Variants in RANBP2 observed in about 807,000 individuals in gnomAD.
RANBP2 encodes E3 SUMO-protein ligase RanBP2.
In RANBP2, 57 loss-of-function variants were observed where a neutral mutation model predicts 303.6. That is an observed-to-expected ratio of 0.19 (90% confidence interval 0.15 to 0.23). The LOEUF is 0.23. Among genes scored for constraint, RANBP2 ranks in the 10% least tolerant of loss-of-function variants. The pLI, the probability that RANBP2 is intolerant of heterozygous loss-of-function variation, is 1.00. For synonymous variants in RANBP2, 1,167 were observed against 1,301.5 expected, an observed-to-expected ratio of 0.90 and a Z score of 2.23; for missense variants, 3,138 against 3,780.8, an observed-to-expected ratio of 0.83 and a Z score of 4.46.
the RANBP2 span, among the ~76,000 whole-genome samples, chr2:109,575,984 C>T: frequency 2.6e-5 from 4 of 152,284 alleles, no homozygotes; most frequent in African/African-American, 9.6e-5. Flanking sequence ...AGGCCAGGCT[C>T]AGTGGCTCAC....
chr2:109,131,486 T>G, the RANBP2 span, among the ~76,000 whole-genome samples: 5 of 152,224 alleles, frequency 3.3e-5, no homozygotes, highest in African/African-American at 1.2e-4. Flanking sequence ...CTTCTTCTGT[T>G]CTGATAAATT....
In RANBP2 at chr2:108,782,995, A is replaced by G. The variant is rs1678361176; in HGVS notation, c.9369+133A>G. The G allele has an allele frequency of 7.8e-6, 6 of 769,004 alleles. No individual in the cohort carries two copies. The Admixed American group carries it at 1.1e-4, about 15-fold the overall frequency. 47.6% of individuals were successfully genotyped at this position (769,004 alleles called of 1,614,324 possible). A position where few individuals can be genotyped will look rare whatever the true frequency, so the allele number is the denominator to read the frequency against. On this transcript the variant is annotated intron_variant, in intron 28 of 28. Coordinates refer to ENST00000283195, the MANE Select transcript of RANBP2 (RefSeq NM_006267.5). ...TTTCTTTAGGTTTTCCACACATGGAATCACATGGCATCACTACCCATTCCC... is the reference window on the plus strand; with the variant it reads ...TTTCTTTAGGTTTTCCACACATGGAGTCACATGGCATCACTACCCATTCCC...
At chr2:109,496,536 G>A in the RANBP2 span, among the ~76,000 whole-genome samples, 1 of 152,208 alleles carries the variant, frequency 6.6e-6, no homozygotes, top group Non-Finnish European at 1.5e-5. Flanking sequence ...GTAAGTCAGT[G>A]AGGGTGAGGG....
At chr2:109,247,753 A>C in the RANBP2 span, among the ~76,000 whole-genome samples, 574 of 152,270 alleles carry the variant, frequency 3.8e-3, 26 homozygotes, top group East Asian at 0.1. Context: ...GAAACCCAAA[A>C]CTTAGAGGCT....
the RANBP2 span, among the ~76,000 whole-genome samples, chr2:109,006,268 G>T: frequency 3.3e-5 from 5 of 151,640 alleles, no homozygotes; most frequent in African/African-American, 1.2e-4. Context: ...ATCTCGGCTC[G>T]CTGCAACCTC....
In RANBP2 at chr2:108,751,976, A is replaced by C. The variant is rs139276330; in HGVS notation, c.1737A>C (p.Ala579=). 280 of 1,611,894 alleles carry C rather than the reference A, an allele frequency of 1.7e-4. No individual in the cohort carries two copies. Among genetic ancestry groups the C allele is most frequent in the Non-Finnish European group, 2.2e-4 (265 of 1,179,864 alleles). Reference sequence around the variant, plus strand: ...AACCTGCTCTGCTTGTACATTGGGCAGAATGCCTTCAGAAAACGGTGAGTT... The same window carrying C: ...AACCTGCTCTGCTTGTACATTGGGCCGAATGCCTTCAGAAAACGGTGAGTT... ...GLQPALLVHW[A]ECLQKTGSGL... is the part of the protein sequence containing the mutation. The change falls in exon 12 of 29, where the codon GCA becomes GCC. Residue 579 remains alanine (A), a synonymous_variant. Transcript: ENST00000283195.
At chr2:109,134,566 T>G in the RANBP2 span, among the ~76,000 whole-genome samples, 1 of 152,202 alleles carries the variant, frequency 6.6e-6, no homozygotes, top group Admixed American at 6.5e-5. Flanking sequence ...GTGTTTTAAG[T>G]GTGGCTCATC....
At chr2:108,739,766 G>A (rs932184940) in intron 6 of RANBP2, among the ~76,000 whole-genome samples, 2 of 152,158 alleles carry the variant, frequency 1.3e-5, no homozygotes, top group African/African-American at 2.4e-5. Context: ...TGGGTGGATT[G>A]TGAGGTCAGG....
the RANBP2 span, among the ~76,000 whole-genome samples, chr2:109,271,119 C>T: frequency 5.9e-5 from 9 of 152,134 alleles, no homozygotes; most frequent in East Asian, 3.9e-4. Context: ...GCGAACGGGG[C>T]GAAGTGCAGG....
At chr2:109,393,065 C>T in the RANBP2 span, among the ~76,000 whole-genome samples, 1 of 152,160 alleles carries the variant, frequency 6.6e-6, no homozygotes, top group Non-Finnish European at 1.5e-5. Context: ...TCTTGCCTGC[C>T]CGTCTCAGTG....
chr2:109,552,213 A>C, the RANBP2 span, among the ~76,000 whole-genome samples: 4 of 152,168 alleles, frequency 2.6e-5, no homozygotes, highest in Admixed American at 2.0e-4. Context: ...TCCGTGGAAA[A>C]ACTGTCTTCC....
chr2:109,735,981 G>T, the RANBP2 span, among the ~76,000 whole-genome samples: 1 of 152,170 alleles, frequency 6.6e-6, no homozygotes, highest in Admixed American at 6.5e-5. Flanking sequence ...TGTTAAATTG[G>T]AGCCAAGGTA....
the RANBP2 span, chr2:109,545,609 GAATT>G: frequency 1.2e-4 from 191 of 1,530,818 alleles, no homozygotes; most frequent in African/African-American, 1.8e-3. Flanking sequence ...CTGAACCTAA[GAATT>G]AATTCAATAA....
chr2:109,092,991 C>A, the RANBP2 span, among the ~76,000 whole-genome samples: 4 of 152,176 alleles, frequency 2.6e-5, no homozygotes, highest in Admixed American at 2.6e-4. Flanking sequence ...GAAACCAATA[C>A]CAGATGAGAT....
At chr2:109,108,251 G>A in the RANBP2 span, among the ~76,000 whole-genome samples, 1 of 152,184 alleles carries the variant, frequency 6.6e-6, no homozygotes, top group African/African-American at 2.4e-5. Context: ...ATGTTGGCTA[G>A]GATGGTTTTG....
chr2:109,030,165 A>G, the RANBP2 span, among the ~76,000 whole-genome samples: 1 of 152,204 alleles, frequency 6.6e-6, no homozygotes, highest in Admixed American at 6.5e-5. Context: ...TCGAGAGCTC[A>G]TGAAACTGAT....
At chr2:109,766,370 T>G in the RANBP2 span, among the ~76,000 whole-genome samples, 1 of 150,338 alleles carries the variant, frequency 6.7e-6, no homozygotes, top group Non-Finnish European at 1.5e-5. Context: ...GAAAGCTGGG[T>G]GGAGAGACTG....
chr2:108,833,800 T>G, the RANBP2 span, among the ~76,000 whole-genome samples: 1 of 147,966 alleles, frequency 6.8e-6, no homozygotes, highest in Non-Finnish European at 1.5e-5. Flanking sequence ...TGATCTCGGC[T>G]CACTGCAAGC....
the RANBP2 span, among the ~76,000 whole-genome samples, chr2:108,822,797 G>T: frequency 1.3e-5 from 2 of 152,132 alleles, no homozygotes; most frequent in Admixed American, 6.5e-5. Context: ...TAAGAGGGAA[G>T]TTTGTAGCTG....
Sources: allele counts gnomAD v4.1 joint callset (sites outside exome capture counted in the v4.1 genomes callset), GRCh38; gene constraint gnomAD v4.1.1; transcripts MANE v1.5; gene names NCBI Gene and HGNC (gene_info 2026-07-23, HGNC 2026-07-21).